Variants in ABHD12 observed in about 807,000 individuals in gnomAD.
ABHD12 encodes abhydrolase domain containing 12, lysophospholipase, also known as lysophosphatidylserine lipase ABHD12.
ABHD12 carries 43 observed loss-of-function variants against 58.3 expected under a neutral mutation model. That is an observed-to-expected ratio of 0.74 (90% CI 0.58 to 0.95). The LOEUF is 0.95. Ranked by LOEUF, ABHD12 falls within the 40% of genes least tolerant of loss-of-function variation. The pLI is 0.00. For synonymous variants in ABHD12, 219 were observed against 211.2 expected, an observed-to-expected ratio of 1.04 and a Z score of -0.32; for missense variants, 539 against 537.2, an observed-to-expected ratio of 1.00 and a Z score of -0.03.
chr20:25,390,651 G>A lies in ABHD12; in HGVS notation c.53C>T (p.Ala18Val). 3 of 1,444,054 alleles carry A rather than the reference G, an allele frequency of 2.1e-6. No homozygotes were observed. The highest frequency in any genetic ancestry group is 2.6e-5 in the South Asian group (2 of 75,502). 89.5% of individuals were successfully genotyped at this position (1,444,054 alleles called of 1,614,324 possible). The change falls in exon 1 of 13, where the codon GCG (alanine) becomes GTG (valine). Residue 18 changes from alanine (A) to valine (V), a missense_variant. By Grantham distance (64) the Ala-to-Val change is moderately conservative. Transcript: ENST00000339157. ...VALEHERCAA[A>V]GSSSSGSAAA... ...GGCCGAGCCGGAGGAGGACGAGCCC[G>A]CGGCGGCGCAGCGCTCATGCTCCAA...
At chr20:25,339,141 G>A (rs2089420038) in intron 2 of ABHD12, 86 bp downstream of exon 2, 1 of 1,576,258 alleles carries the variant, frequency 6.3e-7, no homozygotes, top group African/African-American at 1.4e-5. Context: ...CTCCATTAAA[G>A]TAAAAAGACT....
chr20:25,383,558 C>T (rs746824568), intron 1 of ABHD12, among the ~76,000 whole-genome samples: 22 of 152,220 alleles, frequency 1.4e-4, no homozygotes, highest in Non-Finnish European at 1.9e-4. Flanking sequence ...CGGTGGCTCA[C>T]GCCTGTAATC....
chr20:25,385,721 G>A (rs1268767938), intron 1 of ABHD12, among the ~76,000 whole-genome samples: 1 of 151,458 alleles, frequency 6.6e-6, no homozygotes, highest in African/African-American at 2.4e-5. Flanking sequence ...AAATAGAAAG[G>A]CACCAGGCTT....
chr20:25,315,938 G>C (rs1169317377), intron 5 of ABHD12, among the ~76,000 whole-genome samples: 27 of 152,156 alleles, frequency 1.8e-4, no homozygotes, highest in Non-Finnish European at 4.4e-5. Flanking sequence ...AGTATCTCTT[G>C]GGCTCCAAGA....
At chr20:25,314,808 G>A in intron 6 of ABHD12, 117 bp downstream of exon 6, 1 of 1,158,692 alleles carries the variant, frequency 8.6e-7, no homozygotes, top group Middle Eastern at 2.0e-4. Context: ...CACCATCACA[G>A]CACAGGCAAA....
At chr20:25,311,626 C>T (rs1380865288) in intron 6 of ABHD12, among the ~76,000 whole-genome samples, 1 of 152,226 alleles carries the variant, frequency 6.6e-6, no homozygotes. Context: ...CGCCACCTGC[C>T]CCCACAAGAA....
intron 5 of ABHD12, among the ~76,000 whole-genome samples, chr20:25,315,197 G>T (rs964673606): frequency 6.6e-6 from 1 of 152,118 alleles, no homozygotes; most frequent in African/African-American, 2.4e-5. Flanking sequence ...GCGCAGGAAG[G>T]CTCTCCCTTC....
intron 4 of ABHD12, among the ~76,000 whole-genome samples, chr20:25,317,504 A>G (rs968442782): frequency 3.9e-5 from 6 of 152,156 alleles, no homozygotes; most frequent in African/African-American, 1.4e-4. Context: ...CGACCTTCAG[A>G]ACTCTGCTTA....
intron 8 of ABHD12, 144 bp from the exon 9 acceptor site, chr20:25,308,189 C>T (rs1413794253): frequency 1.3e-6 from 1 of 759,676 alleles, no homozygotes; most frequent in Admixed American, 2.1e-5. Context: ...CCTCAGATAG[C>T]ACCAGGGGTG....
downstream of ABHD12, chr20:25,296,368 A>G: frequency 6.2e-7 from 1 of 1,614,060 alleles, no homozygotes. Context: ...CCTTCCCTGC[A>G]GAACCCCAAG....
intron 1 of ABHD12, among the ~76,000 whole-genome samples, chr20:25,367,225 A>C (rs753523841): frequency 4.6e-5 from 7 of 152,206 alleles, no homozygotes; most frequent in Non-Finnish European, 8.8e-5. Flanking sequence ...TAGTGTGTCC[A>C]TACACTGAGA....
At chr20:25,298,213 T>C (rs996190629), downstream of ABHD12, among the ~76,000 whole-genome samples, 6 of 152,076 alleles carry the variant, frequency 3.9e-5, no homozygotes, top group Non-Finnish European at 5.9e-5. Flanking sequence ...GCAGAAAAGT[T>C]TGCATCTCCA....
intron 6 of ABHD12, among the ~76,000 whole-genome samples, chr20:25,313,624 A>AAAATAAAATAAAATAAAATAAAATT (rs1206965162): frequency 4.7e-5 from 7 of 148,480 alleles, no homozygotes; most frequent in African/African-American, 1.7e-4. Context: ...AAAATAAAAT[A>AAAATAAAATAAAATAAAATAAAATT]AAATAACATT....
chr20:25,389,525 A>G (rs1370723233), intron 1 of ABHD12, among the ~76,000 whole-genome samples: 1 of 152,216 alleles, frequency 6.6e-6, no homozygotes, highest in East Asian at 1.9e-4. Flanking sequence ...ACCACCACGA[A>G]GTAGCAAGGC....
chr20:25,388,696 T>C (rs1159008511), intron 1 of ABHD12, among the ~76,000 whole-genome samples: 1 of 152,130 alleles, frequency 6.6e-6, no homozygotes, highest in Admixed American at 6.6e-5. Context: ...AAATAAAAAT[T>C]AATCGGGTAA....
intron 1 of ABHD12, among the ~76,000 whole-genome samples, chr20:25,342,103 CAAAAAAAAAA>C (rs11476197): frequency 4.3e-5 from 3 of 69,804 alleles, no homozygotes; most frequent in African/African-American, 1.6e-4. Flanking sequence ...AACTCTGTCT[CAAAAAAAAAA>C]AAAAAAAAAA....
Position 25,339,333 on chromosome 20 carries a change from C to A in ABHD12, c.210G>T (p.Leu70Phe). The change falls in exon 2 of 13, where the codon TTG becomes TTT. Residue 70 changes from leucine to phenylalanine, a missense_variant. By Grantham distance (22) the Leu-to-Phe change is conservative (BLOSUM62 0). Transcript: ENST00000339157. ...RALGRRKGVW[L>F]RLRKILFCVL... ...CACAGAAAAGTATCTTCCTCAGGCG[C>A]AACCACACGCCCTTTCGCCTGCAAG... 1 of 1,614,104 alleles carries A rather than the reference C, an allele frequency of 6.2e-7. No homozygotes were observed.
intron 1 of ABHD12, among the ~76,000 whole-genome samples, chr20:25,355,162 A>G (rs2089650594): frequency 6.6e-6 from 1 of 152,182 alleles, no homozygotes; most frequent in Non-Finnish European, 1.5e-5. Flanking sequence ...CACTGGTGCC[A>G]CATCATGCAT....
rs1470241955 is a variant in ABHD12, at chr20:25,347,908, A to G, written c.192-8557T>C. On this transcript the variant is annotated intron_variant, in intron 1 of 12. Coordinates refer to ENST00000339157, the MANE Select transcript of ABHD12 (RefSeq NM_001042472.3). ...ATATGATGTTGGCTGTGGGTTTAGA[A>G]AAAAAAAAAAAAAGGAAAAAAGCCT... 2.0e-3 allele frequency among the ~76,000 whole-genome samples: 295 copies of G among 144,282 alleles called. 1 individual carries two copies. The highest frequency in any genetic ancestry group is 3.7e-3 in the Middle Eastern group (1 of 272). 94.7% of individuals were successfully genotyped at this position (144,282 alleles called of 152,430 possible).
Sources: allele counts gnomAD v4.1 joint callset (sites outside exome capture counted in the v4.1 genomes callset), GRCh38; gene constraint gnomAD v4.1.1; transcripts MANE v1.5; gene names NCBI Gene and HGNC (gene_info 2026-07-23, HGNC 2026-07-21).